The following UNC79 variants were observed in gnomAD, a reference collection of about 807,000 sequenced individuals.
The protein encoded by UNC79 is protein unc-79 homolog.
A neutral mutation model predicts 283.1 loss-of-function variants in UNC79; 37 were observed. The ratio of observed to expected loss-of-function variants is 0.13; its 90% CI spans 0.10 to 0.17. UNC79 has a LOEUF of 0.17. UNC79 is among the 10% of genes least tolerant of loss of function. The pLI, the probability that UNC79 is intolerant of heterozygous loss-of-function variation, is 1.00. For synonymous variants in UNC79, 1,107 were observed against 1,200.2 expected (o/e 0.92, Z 1.61); for missense variants, 2,272 against 3,211.1 (o/e 0.71, Z 7.07).
At chr14:93,641,310 G>A (rs1362171340) in intron 33 of UNC79, 63 bp downstream of exon 36, 22 of 1,489,676 alleles carry the variant, frequency 1.5e-5, no homozygotes, top group South Asian at 6.1e-5. Flanking sequence ...TACCACAGTG[G>A]TGAGAAAGTT....
At chr14:93,379,015 C>T (rs1423670858) in intron 1 of UNC79, among the ~76,000 whole-genome samples, 1 of 152,108 alleles carries the variant, frequency 6.6e-6, no homozygotes, top group East Asian at 1.9e-4. Flanking sequence ...GAGAAAGTAG[C>T]AAAGTCTGGA....
rs1566991353 is a variant in UNC79, at chr14:93,489,776, C to T, written c.712+2021C>T. 2.0e-5 allele frequency among the ~76,000 whole-genome samples: 3 copies of T among 152,174 alleles called. No individual in the cohort carries two copies. The East Asian group carries it at 5.8e-4, about 29-fold the overall frequency. On this transcript the variant is annotated intron_variant, in intron 5 of 48. Coordinates refer to ENST00000555664, the Ensembl canonical transcript of UNC79. The stretch of plus-strand genomic sequence containing the variant: ...GGCCCCCAAGACCCTGCCCCTGTGG[C>T]TTTGCGTGGCTCTATCTCCATGGCT...
At chr14:93,457,434 T>G (rs527464340) in intron 1 of UNC79, among the ~76,000 whole-genome samples, 11 of 152,348 alleles carry the variant, frequency 7.2e-5, no homozygotes, top group Non-Finnish European at 1.5e-4. Context: ...TGGGTACAGC[T>G]AAGCTTTAAA....
Position 93,604,889 on chromosome 14 carries a change from T to G in UNC79, c.3754+1471T>G. The G allele has an allele frequency of 6.4e-7, 1 of 1,572,980 alleles. No homozygotes were observed. Among genetic ancestry groups the G allele is most frequent in the Admixed American group, 1.8e-5 (1 of 56,580 alleles). On this transcript the variant is annotated intron_variant, in intron 26 of 48. Coordinates refer to ENST00000555664, the Ensembl canonical transcript of UNC79. ...TTATTTAAATAGAGTTGTTGTTGAT[T>G]TTTAAGCTATGAGGTTGACCAGGCA... is the stretch of plus-strand genomic sequence containing the variant.
In UNC79 at chr14:93,564,360, T is replaced by G. The variant is rs1350149702; in HGVS notation, c.1756-7534T>G. On this transcript the variant is annotated intron_variant, in intron 14 of 48. Coordinates refer to ENST00000555664, the Ensembl canonical transcript of UNC79. The stretch of plus-strand genomic sequence containing the variant: ...CCTAGGAAGGAAAGGAGTTGTTGTT[T>G]TGTAGAAGGTGTTGGCATTTGAGAG... Among the ~76,000 whole-genome samples the G allele has an allele frequency of 6.6e-5, 10 of 152,320 alleles. No individual in the cohort carries two copies. The East Asian group carries it at 1.5e-3, about 24-fold the overall frequency.
chr14:93,456,348 G>A (rs1365934873), intron 1 of UNC79, among the ~76,000 whole-genome samples: 1 of 152,088 alleles, frequency 6.6e-6, no homozygotes, highest in African/African-American at 2.4e-5. Flanking sequence ...GTAAAATAAT[G>A]TGATGAATAG....
chr14:93,628,781 A>G (rs1255098651), intron 30 of UNC79, among the ~76,000 whole-genome samples: 1 of 152,266 alleles, frequency 6.6e-6, no homozygotes, highest in Non-Finnish European at 1.5e-5. Context: ...AAAATCTTTC[A>G]TAAAATGATG....
At chr14:93,372,617 A>G (rs1566898455) in intron 1 of UNC79, among the ~76,000 whole-genome samples, 1 of 152,246 alleles carries the variant, frequency 6.6e-6, no homozygotes. Flanking sequence ...TTCTTGAAAT[A>G]CAATCCTCAA....
chr14:93,496,590 G>A (rs531996441), intron 6 of UNC79, 124 bp downstream of exon 6: 2 of 549,940 alleles, frequency 3.6e-6, no homozygotes, highest in African/African-American at 2.0e-5. Context: ...TTTTGATGTG[G>A]CAGAACCTAT....
chr14:93,333,999 G>C (rs903873501), intron 1 of UNC79, among the ~76,000 whole-genome samples: 1 of 152,196 alleles, frequency 6.6e-6, no homozygotes, highest in African/African-American at 2.4e-5. Flanking sequence ...GAATTTATTT[G>C]AAAGTATTGT....
At chr14:93,378,237 A>G (rs972908085) in intron 1 of UNC79, among the ~76,000 whole-genome samples, 44 of 152,222 alleles carry the variant, frequency 2.9e-4, no homozygotes, top group Non-Finnish European at 8.8e-5. Context: ...GCTTCAGCTC[A>G]CATGGAAAGG....
chr14:93,480,916 G>A (rs1052587529), intron 4 of UNC79, among the ~76,000 whole-genome samples: 2 of 152,180 alleles, frequency 1.3e-5, no homozygotes, highest in African/African-American at 2.4e-5. Context: ...GCTTTTTGGT[G>A]TGGTGTTCCT....
At chr14:93,464,969 C>T (rs1249562616) in intron 1 of UNC79, among the ~76,000 whole-genome samples, 3 of 152,128 alleles carry the variant, frequency 2.0e-5, no homozygotes, top group Non-Finnish European at 2.9e-5. Flanking sequence ...TTGTTGAAAA[C>T]GTGGATGTTA....
In UNC79 at chr14:93,582,511, G is replaced by A. The variant is rs79417195; in HGVS notation, c.2803+167G>A. Among the ~76,000 whole-genome samples the A allele has an allele frequency of 3.6e-3, 550 of 152,254 alleles. 15 individuals carry two copies. In the South Asian group the frequency reaches 0.064, roughly 18 times the overall value. On this transcript the variant is annotated intron_variant, in intron 20 of 48. Coordinates refer to ENST00000555664, the Ensembl canonical transcript of UNC79. ...AGCGGATTATAAAATGAACAGATCC[G>A]TTACAGTTCCCATAGAACCCAGTTC... is the stretch of plus-strand genomic sequence containing the variant.
chr14:93,613,149 A>T lies in UNC79; in HGVS notation c.4041+66A>T, dbSNP rs1398617591. Reference sequence around the variant, plus strand: ...TTTTAGTAGAAGCAAGGCATTACATACCATGTAGCCAACGTTGGTTCAGCA... The same window carrying T: ...TTTTAGTAGAAGCAAGGCATTACATTCCATGTAGCCAACGTTGGTTCAGCA... On this transcript the variant is annotated intron_variant, in intron 27 of 48. Coordinates refer to ENST00000555664, the Ensembl canonical transcript of UNC79. The T allele has an allele frequency of 7.6e-6, 12 of 1,583,952 alleles. No individual in the cohort carries two copies. The South Asian group carries it at 1.4e-4, about 18-fold the overall frequency.
intron 7 of UNC79, among the ~76,000 whole-genome samples, chr14:93,508,232 A>T (rs1211009247): frequency 6.6e-6 from 1 of 151,366 alleles, no homozygotes; most frequent in East Asian, 1.9e-4. Flanking sequence ...CTAAACCCGA[A>T]AAAAGGCCAG....
At chr14:93,577,108 G>T (rs2063519166) in intron 17 of UNC79, among the ~76,000 whole-genome samples, 2 of 152,326 alleles carry the variant, frequency 1.3e-5, no homozygotes, top group South Asian at 4.1e-4. Context: ...GCTGAGGTGG[G>T]AGGATTGCTT....
chr14:93,629,665 T>G (rs1393924635), intron 30 of UNC79, among the ~76,000 whole-genome samples: 4 of 152,250 alleles, frequency 2.6e-5, no homozygotes, highest in African/African-American at 9.6e-5. Context: ...TTTAGCAAGT[T>G]TAATGATCAT....
intron 2 of UNC79, among the ~76,000 whole-genome samples, chr14:93,470,284 T>C (rs1423723761): frequency 6.6e-6 from 1 of 152,222 alleles, no homozygotes; most frequent in East Asian, 1.9e-4. Flanking sequence ...ACAACTCTCA[T>C]GATTTTAGTA....
Sources: gnomAD v4.1 joint callset for allele counts (sites outside exome capture counted in the v4.1 genomes callset) on GRCh38, gnomAD v4.1.1 for gene constraint, MANE v1.5 for transcripts, NCBI Gene and HGNC (gene_info 2026-07-23, HGNC 2026-07-21) for gene names.